SLC2A13: variants seen among roughly 807,000 people sequenced by gnomAD.
The protein encoded by SLC2A13 is solute carrier family 2 member 13.
SLC2A13 carries 32 observed loss-of-function variants against 64.4 expected under a neutral mutation model. The observed-to-expected ratio is 0.50, with a 90% CI of 0.37 to 0.67. The LOEUF is 0.67. SLC2A13 is among the 30% of genes least tolerant of loss of function. SLC2A13 has a pLI of 0.00. For synonymous variants in SLC2A13, 338 were observed against 327.1 expected (o/e 1.03, Z -0.36); for missense variants, 743 against 829.2 (o/e 0.90, Z 1.28).
At chr12:40,061,535 G>A (rs1054076580) in intron 1 of SLC2A13, among the ~76,000 whole-genome samples, 4 of 152,084 alleles carry the variant, frequency 2.6e-5, no homozygotes, top group African/African-American at 9.7e-5. Flanking sequence ...TAACAACTAT[G>A]TACACAGCAT....
chr12:40,049,180 T>G (rs1475022684), intron 1 of SLC2A13, among the ~76,000 whole-genome samples: 2 of 151,970 alleles, frequency 1.3e-5, no homozygotes, highest in East Asian at 3.9e-4. Context: ...GATACTGATT[T>G]GCTGTATCTA....
At chr12:40,046,507 G>A (rs1327961426) in intron 2 of SLC2A13, among the ~76,000 whole-genome samples, 1 of 152,014 alleles carries the variant, frequency 6.6e-6, no homozygotes, top group African/African-American at 2.4e-5. Context: ...ATAAATTGAT[G>A]ATTTAGAACT....
intron 6 of SLC2A13, among the ~76,000 whole-genome samples, chr12:39,864,449 T>C (rs913853796): frequency 6.6e-6 from 1 of 152,232 alleles, no homozygotes; most frequent in African/African-American, 2.4e-5. Flanking sequence ...CTGAATTGTA[T>C]ATGATCTAAA....
rs1449583512 is a variant in SLC2A13, at chr12:39,873,308, C to G, written c.1035-1347G>C. 2.6e-5 allele frequency among the ~76,000 whole-genome samples: 4 copies of G among 152,280 alleles called. No homozygotes were observed. In the East Asian group the frequency reaches 7.7e-4, roughly 29 times the overall value. On this transcript the variant is annotated intron_variant, in intron 4 of 9. Transcript: ENST00000280871. The stretch of plus-strand genomic sequence containing the variant: ...GGAATTACTCCCATCATCATGAAAA[C>G]TGCGAATGTTTTGCAGTCAGAGTGT...
chr12:40,053,757 A>G (rs1948295904), intron 1 of SLC2A13, among the ~76,000 whole-genome samples: 1 of 152,204 alleles, frequency 6.6e-6, no homozygotes, highest in South Asian at 2.1e-4. Flanking sequence ...GGAAAGTAGG[A>G]GGATCCGTGC....
chr12:39,824,286 C>T (rs1942605230), intron 7 of SLC2A13, among the ~76,000 whole-genome samples: 1 of 152,190 alleles, frequency 6.6e-6, no homozygotes, highest in Admixed American at 6.5e-5. Flanking sequence ...TGGTCTGATT[C>T]ACATCAAAGA....
At chr12:40,060,008 A>G (rs567097669) in intron 1 of SLC2A13, among the ~76,000 whole-genome samples, 2 of 152,250 alleles carry the variant, frequency 1.3e-5, no homozygotes, top group African/African-American at 4.8e-5. Flanking sequence ...ATATTATTTT[A>G]AAAAGACTGT....
At position 39,864,915 on chromosome 12, in the gene SLC2A13, G is replaced by A. The variant is rs74086801; in HGVS notation, c.1199-33C>T. 5,806 of 1,583,396 alleles carry A rather than the reference G, an allele frequency of 3.7e-3. 163 individuals are homozygous for A. In the African/African-American group the frequency reaches 0.066, roughly 18 times the overall value. ...AAAAAAAGTTTTATATTAGAGAAGA[G>A]TTGACAATATTGTTTTAAGGCAGAC... On this transcript the variant is annotated intron_variant, in intron 5 of 9. Coordinates refer to ENST00000280871, the MANE Select transcript of SLC2A13 (RefSeq NM_052885.4).
intron 4 of SLC2A13, among the ~76,000 whole-genome samples, chr12:39,940,721 C>T (rs867611722): frequency 1.3e-5 from 2 of 151,704 alleles, no homozygotes; most frequent in African/African-American, 2.4e-5. Context: ...TTTATTTATT[C>T]GTTTTTCTAT....
chr12:39,781,110 C>T (rs1940967808), intron 7 of SLC2A13, among the ~76,000 whole-genome samples: 1 of 152,088 alleles, frequency 6.6e-6, no homozygotes, highest in South Asian at 2.1e-4. Context: ...TTACTCACTT[C>T]CTGATTTGTA....
chr12:40,098,105 TTA>T (rs1360875023), intron 1 of SLC2A13, among the ~76,000 whole-genome samples: 3 of 151,808 alleles, frequency 2.0e-5, no homozygotes, highest in Admixed American at 6.6e-5. Context: ...GTATTTATTT[TTA>T]TATGTGTGTG....
chr12:39,933,634 G>C (rs1006419729), intron 4 of SLC2A13, among the ~76,000 whole-genome samples: 5 of 152,116 alleles, frequency 3.3e-5, no homozygotes, highest in African/African-American at 1.2e-4. Context: ...ATATCCTGTG[G>C]TCTCCTGTGA....
At chr12:40,047,901 C>T (rs889454953) in intron 2 of SLC2A13, 150 bp downstream of exon 2, 1 of 626,642 alleles carries the variant, frequency 1.6e-6, no homozygotes, top group Admixed American at 3.5e-5. Flanking sequence ...AGCTTCCTGT[C>T]CACTCTCAGT....
intron 1 of SLC2A13, among the ~76,000 whole-genome samples, chr12:40,058,087 A>AGATAGATTGATT (rs1555158666): frequency 7.2e-6 from 1 of 138,986 alleles, no homozygotes; most frequent in Non-Finnish European, 1.6e-5. Flanking sequence ...ATAGATAGAT[A>AGATAGATTGATT]GATTGATTTA....
At chr12:39,789,762 G>A (rs997353092) in intron 7 of SLC2A13, among the ~76,000 whole-genome samples, 6 of 151,994 alleles carry the variant, frequency 3.9e-5, no homozygotes, top group Non-Finnish European at 7.4e-5. Context: ...TGCCAATATC[G>A]TTCTAAATTG....
At chr12:39,926,611 A>AT (rs1418476159) in intron 4 of SLC2A13, among the ~76,000 whole-genome samples, 1 of 151,992 alleles carries the variant, frequency 6.6e-6, no homozygotes, top group Admixed American at 6.6e-5. Context: ...TACAGTTCTA[A>AT]CCTTTTTTAT....
At chr12:39,843,516 T>C (rs1025217724) in intron 6 of SLC2A13, among the ~76,000 whole-genome samples, 3 of 152,116 alleles carry the variant, frequency 2.0e-5, no homozygotes, top group African/African-American at 7.2e-5. Flanking sequence ...AATATCTACT[T>C]GCCCTCCATT....
chr12:39,818,356 A>G (rs1170569541), intron 7 of SLC2A13, among the ~76,000 whole-genome samples: 1 of 152,202 alleles, frequency 6.6e-6, no homozygotes, highest in Non-Finnish European at 1.5e-5. Context: ...TTAAAGAAGC[A>G]AAGTAATAAT....
At chr12:39,860,597 T>C (rs1423378906) in intron 6 of SLC2A13, among the ~76,000 whole-genome samples, 1 of 152,236 alleles carries the variant, frequency 6.6e-6, no homozygotes, top group Non-Finnish European at 1.5e-5. Flanking sequence ...ATTGCACGCA[T>C]GGTCTTACAT....
Sources: allele counts gnomAD v4.1 joint callset (sites outside exome capture counted in the v4.1 genomes callset), GRCh38; gene constraint gnomAD v4.1.1; transcripts MANE v1.5; gene names NCBI Gene and HGNC (gene_info 2026-07-23, HGNC 2026-07-21).